Variants in PRSS3 observed in about 807,000 individuals in gnomAD.
The protein encoded by PRSS3 is trypsin-3.
Under a neutral mutation model 20.8 loss-of-function variants are expected in PRSS3, and 14 were observed. The observed-to-expected ratio is 0.67, with a 90% CI of 0.44 to 1.05. The LOEUF (loss-of-function observed/expected upper bound fraction) is 1.05. PRSS3 is among the 50% of genes least tolerant of loss of function. PRSS3 has a pLI of 0.00. For synonymous variants in PRSS3, 91 were observed against 117.6 expected (o/e 0.77, Z 1.46); for missense variants, 237 against 306.4 (o/e 0.77, Z 1.69).
rs1345505348 is a variant in PRSS3 at position 33,798,528 on chromosome 9, T to C, written c.497T>C (p.Leu166Pro). 59 of 1,613,980 alleles carry C rather than the reference T, an allele frequency of 3.7e-5. No individual in the cohort carries two copies. The highest frequency in any genetic ancestry group is 4.7e-5 in the Non-Finnish European group (55 of 1,179,996). The stretch of plus-strand genomic sequence containing the variant: ...CTGAAGTGCCTGGATGCTCCGGTGC[T>C]GACCCAGGCTGAGTGTAAAGCCTCC... Reference protein sequence around the residue: ...DELKCLDAPVLTQAECKASYP... With the variant: ...DELKCLDAPVPTQAECKASYP... The change falls in exon 4 of 5, where the codon CTG becomes CCG. Residue 166 changes from leucine to proline, a missense_variant. Physicochemically the swap from Leu to Pro is moderately conservative, Grantham distance 98. Coordinates refer to ENST00000379405, the MANE Select transcript of PRSS3 (RefSeq NM_002771.4).
At position 33,798,042 on chromosome 9, in the gene PRSS3, G is replaced by A. The variant is rs767568147; in HGVS notation, c.414G>A (p.Glu138=). Residue 138 remains glutamate (E), a synonymous_variant, in exon 3 of 5, where the codon GAG becomes GAA. Coordinates refer to ENST00000379405, the MANE Select transcript of PRSS3 (RefSeq NM_002771.4). ...LPTTPPAAGT[E]CLISGWGNTL... Reference sequence around the variant, plus strand: ...CCACCCCTCCAGCTGCTGGCACTGAGTGCCTCATCTCCGGCTGGGGCAACA... The same window carrying A: ...CCACCCCTCCAGCTGCTGGCACTGAATGCCTCATCTCCGGCTGGGGCAACA... 26 of 1,614,170 alleles carry A rather than the reference G, an allele frequency of 1.6e-5. No individual in the cohort carries two copies. Among genetic ancestry groups the A allele is most frequent in the Admixed American group, 8.3e-5 (5 of 60,018 alleles).
intron 1 of PRSS3, among the ~76,000 whole-genome samples, chr9:33,778,871 A>G (rs1231325895): frequency 1.3e-5 from 2 of 152,194 alleles, no homozygotes; most frequent in Admixed American, 6.5e-5. Flanking sequence ...ATGCCTGTGA[A>G]CAAGAAAGTA....
intron 4 of PRSS3, 27 bp downstream of exon 4, chr9:33,798,649 G>A (rs1563971065): frequency 6.2e-6 from 10 of 1,613,962 alleles, no homozygotes; most frequent in Non-Finnish European, 7.6e-6. Flanking sequence ...CCATGCTGAG[G>A]CTCCCACCGA....
At chr9:33,789,876 T>C (rs1397024527) in intron 1 of PRSS3, among the ~76,000 whole-genome samples, 1 of 152,204 alleles carries the variant, frequency 6.6e-6, no homozygotes, top group Non-Finnish European at 1.5e-5. Flanking sequence ...TAACACTAGG[T>C]GTAACCTTAA....
In PRSS3 at chr9:33,750,873, T is replaced by G; in HGVS notation, c.-53+146T>G. ...GGAGGGTACGCGGACAGGGAGGGGA[T>G]ACCGACTGGGAGGGGCTCAGGGACA... is the stretch of plus-strand genomic sequence containing the variant. On this transcript the variant is annotated intron_variant, in intron 1 of 5. Coordinates refer to the PRSS3 transcript ENST00000342836. The surrounding 1 kb of genome is among the most constrained non-coding windows in gnomAD (Gnocchi z 4.8). 1 of 1,360,012 alleles carries G rather than the reference T, an allele frequency of 7.4e-7. No homozygotes were observed. The highest frequency in any genetic ancestry group is 9.4e-7 in the Non-Finnish European group (1 of 1,061,224). The allele number at this position is 1,360,012 out of a possible 1,614,324, so 84.2% of individuals were successfully genotyped here.
upstream of PRSS3, among the ~76,000 whole-genome samples, chr9:33,793,890 T>G: frequency 6.6e-6 from 1 of 152,398 alleles, no homozygotes; most frequent in South Asian, 2.1e-4. Context: ...GTACCACTGT[T>G]GCTTATGTGA....
At chr9:33,781,776 GA>G (rs1247695120) in intron 1 of PRSS3, among the ~76,000 whole-genome samples, 1 of 152,184 alleles carries the variant, frequency 6.6e-6, no homozygotes, top group Non-Finnish European at 1.5e-5. Flanking sequence ...GCTGATTCTA[GA>G]AGGTATATGA....
At position 33,797,763 on chromosome 9, in the gene PRSS3, G is replaced by T. The variant is rs83922; in HGVS notation, c.201-66G>T. Reference sequence around the variant, plus strand: ...CATGAGCAGTGAGCTTGAGGACCCTGGGGAAGGTGGGAGGGGTGCCCAGGC... The same window carrying T: ...CATGAGCAGTGAGCTTGAGGACCCTTGGGAAGGTGGGAGGGGTGCCCAGGC... On this transcript the variant is annotated intron_variant, in intron 2 of 4. Coordinates refer to ENST00000379405, the MANE Select transcript of PRSS3 (RefSeq NM_002771.4). The T allele has an allele frequency of 2.7e-3, 4,011 of 1,486,938 alleles. No homozygotes were observed. Among genetic ancestry groups the T allele is most frequent in the African/African-American group, 0.023 (1,389 of 60,780 alleles). 92.1% of individuals were successfully genotyped at this position (1,486,938 alleles called of 1,614,324 possible).
rs529772176 is a variant in PRSS3, at chr9:33,776,235, A to C, written c.-52-18511A>C. Among the ~76,000 whole-genome samples the C allele has an allele frequency of 1.2e-4, 19 of 152,352 alleles. No homozygotes were observed. The South Asian group carries it at 3.9e-3, about 32-fold the overall frequency. On this transcript the variant is annotated intron_variant, in intron 1 of 5. Transcript: ENST00000342836. ...GAAAATAGACCAATAGAAATGATCC[A>C]ATTTGAAAAACAGAGAGAAAAAAAT...
chr9:33,766,837 T>A (rs1823457712), intron 1 of PRSS3, among the ~76,000 whole-genome samples: 1 of 152,120 alleles, frequency 6.6e-6, no homozygotes. Flanking sequence ...ATTTTAAAAT[T>A]GAATAGTTGT....
chr9:33,764,809 G>T (rs1217349590), intron 1 of PRSS3, among the ~76,000 whole-genome samples: 1 of 152,194 alleles, frequency 6.6e-6, no homozygotes, highest in Non-Finnish European at 1.5e-5. Flanking sequence ...CTAGAACAAA[G>T]AACTATTACA....
At chr9:33,772,886 C>T (rs1396679930) in intron 1 of PRSS3, among the ~76,000 whole-genome samples, 1 of 152,126 alleles carries the variant, frequency 6.6e-6, no homozygotes, top group Admixed American at 6.5e-5. Context: ...CCTAGGCACT[C>T]GAGGAGAAAA....
chr9:33,796,622 C>G, intron 1 of PRSS3, 21 bp from the exon 2 acceptor site: 1 of 1,613,848 alleles, frequency 6.2e-7, no homozygotes, highest in African/African-American at 1.3e-5. Context: ...CTTGCCTTCT[C>G]CCTTCCTATT....
At position 33,797,866 on chromosome 9, in the gene PRSS3, G is replaced by T. The variant is rs549988015; in HGVS notation, c.238G>T (p.Val80Phe). The T allele has an allele frequency of 2.5e-6, 4 of 1,614,246 alleles. No individual in the cohort carries two copies. The African/African-American group carries it at 5.3e-5, about 22-fold the overall frequency. The change falls in exon 3 of 5, where the codon GTC (valine) becomes TTC (phenylalanine). Residue 80 changes from valine to phenylalanine, a missense_variant. Physicochemically the swap from Val to Phe is conservative, Grantham distance 50. Coordinates refer to ENST00000379405, the MANE Select transcript of PRSS3 (RefSeq NM_002771.4). Reference sequence around the variant, plus strand: ...GAGACTGGGAGAGCACAACATCAAAGTCCTGGAGGGGAATGAGCAGTTCAT... The same window carrying T: ...GAGACTGGGAGAGCACAACATCAAATTCCTGGAGGGGAATGAGCAGTTCAT... The part of the protein sequence containing the change: ...QVRLGEHNIK[V>F]LEGNEQFINA...
chr9:33,764,315 C>T (rs189657080), intron 1 of PRSS3, among the ~76,000 whole-genome samples: 6 of 152,318 alleles, frequency 3.9e-5, no homozygotes, highest in Non-Finnish European at 7.4e-5. Flanking sequence ...GGCTGAATCA[C>T]CTGAGGTTAG....
intron 1 of PRSS3, among the ~76,000 whole-genome samples, chr9:33,772,304 G>C (rs1333229788): frequency 3.9e-5 from 6 of 152,174 alleles, no homozygotes; most frequent in African/African-American, 1.4e-4. Flanking sequence ...GCCTGGGTGA[G>C]AGCAGGATCT....
chr9:33,786,087 C>G (rs1414319691), intron 1 of PRSS3: 1 of 287,376 alleles, frequency 3.5e-6, no homozygotes, highest in Non-Finnish European at 6.5e-6. Flanking sequence ...CTGGTTTTTG[C>G]ATATCCTGCA....
chr9:33,761,616 G>T (rs2118803211), intron 1 of PRSS3, among the ~76,000 whole-genome samples: 1 of 152,260 alleles, frequency 6.6e-6, no homozygotes, highest in South Asian at 2.1e-4. Context: ...TGAGACAGGA[G>T]AATAGCTTGA....
upstream of PRSS3, chr9:33,793,757 A>T (rs1199637988): frequency 1.3e-5 from 12 of 894,648 alleles, no homozygotes; most frequent in Non-Finnish European, 1.5e-5. Flanking sequence ...CTTGGGCAAG[A>T]CAGAATCCTT....
Sources: gnomAD v4.1 joint callset for allele counts (sites outside exome capture counted in the v4.1 genomes callset) on GRCh38, gnomAD v4.1.1 for gene constraint, Gnocchi (gnomAD v3.1) non-coding constraint, MANE v1.5 for transcripts, NCBI Gene and HGNC (gene_info 2026-07-23, HGNC 2026-07-21) for gene names.